Variants in ANO2 observed in about 807,000 individuals in gnomAD.
The protein encoded by ANO2 is anoctamin 2.
A neutral mutation model predicts 124.2 loss-of-function variants in ANO2; 101 were observed. That is an observed-to-expected ratio of 0.81 (90% confidence interval 0.69 to 0.96). The LOEUF is 0.96. Ranked by LOEUF, ANO2 falls within the 40% of genes least tolerant of loss-of-function variation. The pLI is 0.00. For synonymous variants in ANO2, 486 were observed against 482.5 expected (o/e 1.01, Z -0.09); for missense variants, 1,293 against 1,274.5 (o/e 1.01, Z -0.22).
intron 19 of ANO2, 127 bp from the exon 20 acceptor site, chr12:5,599,756 G>T: frequency 9.4e-7 from 1 of 1,060,082 alleles, no homozygotes; most frequent in Non-Finnish European, 1.4e-6. Flanking sequence ...AACAAGTAGA[G>T]ATAGAGAGAC....
intron 3 of ANO2, among the ~76,000 whole-genome samples, chr12:5,897,758 C>A (rs1939896675): frequency 6.6e-6 from 1 of 151,332 alleles, no homozygotes; most frequent in Non-Finnish European, 1.5e-5. Flanking sequence ...AAAATCAATT[C>A]TATGTGGACT....
chr12:5,827,654 T>TG (rs976174605), intron 7 of ANO2, 115 bp downstream of exon 7: 16 of 1,241,556 alleles, frequency 1.3e-5, no homozygotes, highest in Non-Finnish European at 1.6e-5. Context: ...AGCCTCTCCG[T>TG]GGGGGGCATT....
chr12:5,890,331 T>C (rs912510236), intron 3 of ANO2, among the ~76,000 whole-genome samples: 1 of 152,212 alleles, frequency 6.6e-6, no homozygotes, highest in Non-Finnish European at 1.5e-5. Context: ...ACCCCTGTCT[T>C]AAGCCCTTTG....
chr12:5,635,491 T>C lies in ANO2; in HGVS notation c.1621-144A>G. On this transcript the variant is annotated intron_variant, in intron 15 of 24. Transcript: ENST00000682330. This position sits in a 1 kb window ranked among gnomAD's most constrained non-coding sequence, Gnocchi z 5.2. ...GGGTAACAAGGGATTCCAGATATTA[T>C]TAGTCTGGAATATTTGGGTGGGTAA... is the stretch of plus-strand genomic sequence containing the variant. 7.9e-6 allele frequency: 6 copies of C among 764,264 alleles called. No individual in the cohort carries two copies. Among genetic ancestry groups the C allele is most frequent in the Non-Finnish European group, 1.1e-5 (6 of 525,066 alleles). 47.3% of individuals were successfully genotyped at this position (764,264 alleles called of 1,614,324 possible). A position where few individuals can be genotyped will look rare whatever the true frequency, so the allele number is the denominator to read the frequency against.
chr12:5,885,101 G>C (rs1938793616), intron 3 of ANO2, among the ~76,000 whole-genome samples: 1 of 152,234 alleles, frequency 6.6e-6, no homozygotes, highest in Non-Finnish European at 1.5e-5. Flanking sequence ...CTTTGGTGGA[G>C]TTGACCTCTC....
chr12:5,700,049 A>T (rs1949341341), intron 14 of ANO2, among the ~76,000 whole-genome samples: 1 of 152,190 alleles, frequency 6.6e-6, no homozygotes, highest in Non-Finnish European at 1.5e-5. Context: ...AAAATTAACA[A>T]GGATATCCAG....
At chr12:5,595,061 T>C (rs963522743) in intron 20 of ANO2, among the ~76,000 whole-genome samples, 3 of 152,254 alleles carry the variant, frequency 2.0e-5, no homozygotes. Flanking sequence ...GCTTTGAAAA[T>C]GTAAATCCTT....
At chr12:5,854,631 C>A (rs928749989) in intron 3 of ANO2, among the ~76,000 whole-genome samples, 3 of 152,082 alleles carry the variant, frequency 2.0e-5, no homozygotes, top group Non-Finnish European at 2.9e-5. Context: ...CCCCAAACCA[C>A]AAAAGTGATC....
chr12:5,587,705 G>A (rs908961807), intron 20 of ANO2, among the ~76,000 whole-genome samples: 15 of 151,908 alleles, frequency 9.9e-5, no homozygotes, highest in African/African-American at 3.6e-4. Flanking sequence ...AGATTCCCTC[G>A]AAAGCCAGCT....
intron 14 of ANO2, among the ~76,000 whole-genome samples, chr12:5,690,833 C>A (rs973347766): frequency 3.3e-5 from 5 of 152,130 alleles, no homozygotes; most frequent in African/African-American, 1.2e-4. Context: ...TGAACACCAA[C>A]AAAAACAGAA....
intron 3 of ANO2, among the ~76,000 whole-genome samples, chr12:5,886,460 T>C (rs992749311): frequency 1.3e-5 from 2 of 152,206 alleles, no homozygotes; most frequent in Admixed American, 6.5e-5. Context: ...GTTTAGGTTA[T>C]GTTAGATGAG....
At position 5,585,780 on chromosome 12, in the gene ANO2, T is replaced by C. The variant is rs559801477; in HGVS notation, c.2234-7262A>G. On this transcript the variant is annotated intron_variant, in intron 20 of 24. Transcript: ENST00000682330. Reference sequence around the variant, plus strand: ...GAAGGGCAATGAAACCAGTCATGATTGGAATGAAGTTCCCAAGCAACAAAT... The same window carrying C: ...GAAGGGCAATGAAACCAGTCATGATCGGAATGAAGTTCCCAAGCAACAAAT... Among the ~76,000 whole-genome samples the C allele has an allele frequency of 8.5e-5, 13 of 152,298 alleles. No homozygotes were observed. The South Asian group carries it at 2.7e-3, about 32-fold the overall frequency.
intron 20 of ANO2, among the ~76,000 whole-genome samples, chr12:5,583,464 T>C (rs949634275): frequency 1.5e-4 from 22 of 151,634 alleles, no homozygotes; most frequent in Non-Finnish European, 2.7e-4. Context: ...CCATCTTGGC[T>C]AACACGGTGA....
rs141660872 is a variant in ANO2 at position 5,625,208 on chromosome 12, A to G, written c.1817-9911T>C. Among the ~76,000 whole-genome samples the G allele has an allele frequency of 4.3e-4, 66 of 152,328 alleles. 1 individual carries two copies. In the East Asian group the frequency reaches 9.8e-3, roughly 23 times the overall value. ...TGAATGGTGTGGGGGGGAGTGCGGC[A>G]CAGAGACAGAAGTGGAAGCAGACAG... is the stretch of plus-strand genomic sequence containing the variant. On this transcript the variant is annotated intron_variant, in intron 16 of 24. Coordinates refer to ENST00000682330, the MANE Select transcript of ANO2 (RefSeq NM_001364791.2).
chr12:5,673,408 C>T lies in ANO2; in HGVS notation c.1546-25607G>A, dbSNP rs572028519. Among the ~76,000 whole-genome samples, 5 of 152,318 alleles carry T rather than the reference C, an allele frequency of 3.3e-5. No homozygotes were observed. The East Asian group carries it at 9.7e-4, about 29-fold the overall frequency. Reference sequence around the variant, plus strand: ...GAAGCATTGGCAGGCCTCTGGGAAGCAGTTTGTCCTTGTAAGTGGTTTAAA... The same window carrying T: ...GAAGCATTGGCAGGCCTCTGGGAAGTAGTTTGTCCTTGTAAGTGGTTTAAA... On this transcript the variant is annotated intron_variant, in intron 14 of 24. Coordinates refer to ENST00000682330, the MANE Select transcript of ANO2 (RefSeq NM_001364791.2).
intron 10 of ANO2, among the ~76,000 whole-genome samples, chr12:5,781,013 A>G (rs1952376397): frequency 6.6e-6 from 1 of 152,206 alleles, no homozygotes; most frequent in African/African-American, 2.4e-5. Context: ...CTATTTCATC[A>G]TAGAAAGTGT....
At chr12:5,720,249 T>A (rs1390678181) in intron 14 of ANO2, among the ~76,000 whole-genome samples, 1 of 152,164 alleles carries the variant, frequency 6.6e-6, no homozygotes, top group African/African-American at 2.4e-5. Context: ...AAAAGGGCAA[T>A]CCCGTCAGTT....
chr12:5,934,187 G>C (rs1942554190), intron 1 of ANO2, among the ~76,000 whole-genome samples: 1 of 152,136 alleles, frequency 6.6e-6, no homozygotes. Flanking sequence ...TACCATTGTT[G>C]TCACCATTTT....
intron 14 of ANO2, among the ~76,000 whole-genome samples, chr12:5,727,369 C>A (rs1026328014): frequency 6.6e-6 from 1 of 152,110 alleles, no homozygotes. Flanking sequence ...CAAGAAGATA[C>A]CAGCACCATG....
Sources: allele counts gnomAD v4.1 joint callset (sites outside exome capture counted in the v4.1 genomes callset), GRCh38; gene constraint gnomAD v4.1.1; non-coding constraint Gnocchi (gnomAD v3.1); transcripts MANE v1.5; gene names NCBI Gene and HGNC (gene_info 2026-07-23, HGNC 2026-07-21).